C2CD3: variants seen among roughly 807,000 people sequenced by gnomAD.
The protein encoded by C2CD3 is C2 domain-containing protein 3.
In C2CD3, 148 loss-of-function variants were observed where a neutral mutation model predicts 234.0. That is an observed-to-expected ratio of 0.63 (90% CI 0.55 to 0.72). The LOEUF (loss-of-function observed/expected upper bound fraction) is 0.72. C2CD3 is among the 30% of genes least tolerant of loss of function. The probability of loss-of-function intolerance (pLI) is 0.00; values close to 1 mark genes in which losing one functional copy is unlikely to be tolerated. For missense variants in C2CD3, 2,577 were observed against 2,811.5 expected, an observed-to-expected ratio of 0.92 and a Z score of 1.89; for synonymous variants, 1,000 against 1,035.4, an observed-to-expected ratio of 0.97 and a Z score of 0.66.
intron 32 of C2CD3, among the ~76,000 whole-genome samples, chr11:74,022,306 C>A (rs1026477356): frequency 6.6e-6 from 1 of 152,012 alleles, no homozygotes; most frequent in African/African-American, 2.4e-5. Flanking sequence ...GCAGGAGTAA[C>A]TACATGGATG....
chr11:74,024,462 C>T (rs1186367558), intron 32 of C2CD3, among the ~76,000 whole-genome samples: 1 of 152,176 alleles, frequency 6.6e-6, no homozygotes, highest in Non-Finnish European at 1.5e-5. Context: ...AAATGCAGAA[C>T]AACAGCAATA....
chr11:74,076,799 T>C (rs1350597742), intron 23 of C2CD3, among the ~76,000 whole-genome samples: 1 of 152,200 alleles, frequency 6.6e-6, no homozygotes, highest in African/African-American at 2.4e-5. Flanking sequence ...TATACCTACA[T>C]CCTTTGAAAC....
chr11:74,054,724 A>G (rs1210241228), intron 25 of C2CD3, 53 bp from the exon 26 acceptor site: 3 of 1,236,076 alleles, frequency 2.4e-6, no homozygotes, highest in Non-Finnish European at 3.5e-6. Flanking sequence ...TTTCTGTAGT[A>G]TAAAACTTAG....
At chr11:74,059,134 G>A (rs770065460) in intron 24 of C2CD3, among the ~76,000 whole-genome samples, 2 of 152,100 alleles carry the variant, frequency 1.3e-5, no homozygotes, top group South Asian at 2.1e-4. Context: ...AAACATAATC[G>A]ACATGCTCCA....
rs562427604 is a variant in C2CD3 at position 74,017,115 on chromosome 11, C to T, written c.6922-3590G>A. On this transcript the variant is annotated intron_variant, in intron 32 of 32. Transcript: ENST00000334126. The stretch of plus-strand genomic sequence containing the variant: ...TAGGCTGAGCTGCAGGTATGGAGAA[C>T]AGCCAAGACAAACCTATTACTAGAA... Among the ~76,000 whole-genome samples, 3 of 152,262 alleles carry T rather than the reference C, an allele frequency of 2.0e-5. No homozygotes were observed. In the East Asian group the frequency reaches 5.8e-4, roughly 29 times the overall value.
intron 13 of C2CD3, among the ~76,000 whole-genome samples, chr11:74,105,196 G>C (rs1956467195): frequency 6.6e-6 from 1 of 152,116 alleles, no homozygotes; most frequent in African/African-American, 2.4e-5. Context: ...GGTAGGCCAG[G>C]GTCATATATT....
intron 32 of C2CD3, among the ~76,000 whole-genome samples, chr11:74,015,597 T>C (rs1464893086): frequency 6.6e-6 from 1 of 152,194 alleles, no homozygotes; most frequent in Non-Finnish European, 1.5e-5. Context: ...GATGTTTGTT[T>C]TATGAGCCAG....
At position 74,033,748 on chromosome 11, in the gene C2CD3, T is replaced by C; in HGVS notation, c.6412A>G (p.Asn2138Asp). Residue 2138 changes from asparagine (N) to aspartate (D), a missense_variant, in exon 31 of 33, where the codon AAC becomes GAC. By Grantham distance (23) the Asn-to-Asp change is conservative. Coordinates refer to ENST00000334126, the MANE Select transcript of C2CD3 (RefSeq NM_001286577.2). ...GAACCCTGCCTAGGCAGGTGGGGGTTGACAGCCCTTTCTGGGCTGGAGAGA... is the reference window on the plus strand; with the variant it reads ...GAACCCTGCCTAGGCAGGTGGGGGTCGACAGCCCTTTCTGGGCTGGAGAGA... ...SFLSSPERAVNPHLPRQGSPS... is the reference protein window; with the variant it reads ...SFLSSPERAVDPHLPRQGSPS... 6.5e-7 allele frequency: 1 copy of C among 1,536,350 alleles called. No homozygotes were observed. Among genetic ancestry groups the C allele is most frequent in the Non-Finnish European group, 8.7e-7 (1 of 1,146,946 alleles).
At chr11:74,075,007 C>T (rs1954970523) in intron 23 of C2CD3, among the ~76,000 whole-genome samples, 1 of 152,010 alleles carries the variant, frequency 6.6e-6, no homozygotes. Flanking sequence ...TCACCTGAGC[C>T]CAGGAGGTTG....
chr11:74,131,333 A>T (rs553428988), intron 7 of C2CD3, among the ~76,000 whole-genome samples: 1 of 151,716 alleles, frequency 6.6e-6, no homozygotes, highest in Non-Finnish European at 1.5e-5. Flanking sequence ...AAAAAAAAAA[A>T]AAAACTATCT....
chr11:74,088,264 G>A (rs1175705922), intron 20 of C2CD3, among the ~76,000 whole-genome samples: 1 of 152,068 alleles, frequency 6.6e-6, no homozygotes, highest in Non-Finnish European at 1.5e-5. Flanking sequence ...ACAAAATCAG[G>A]GTAGGTATTT....
chr11:74,032,138 G>C (rs1435844047), intron 31 of C2CD3, among the ~76,000 whole-genome samples: 1 of 152,180 alleles, frequency 6.6e-6, no homozygotes, highest in East Asian at 1.9e-4. Flanking sequence ...CCTGACCTGG[G>C]GAGCTTATAA....
intron 7 of C2CD3, among the ~76,000 whole-genome samples, chr11:74,124,878 T>C (rs1391106627): frequency 6.6e-6 from 1 of 152,244 alleles, no homozygotes. Context: ...CACTTTTTAC[T>C]CTTTTTTGAA....
intron 3 of C2CD3, among the ~76,000 whole-genome samples, chr11:74,156,146 C>T (rs1052824290): frequency 5.3e-5 from 8 of 151,940 alleles, no homozygotes; most frequent in African/African-American, 1.5e-4. Flanking sequence ...TGGTGGTGCA[C>T]GCCTGTAGTC....
At chr11:74,038,711 C>A (rs1486479676) in intron 29 of C2CD3, among the ~76,000 whole-genome samples, 1 of 152,202 alleles carries the variant, frequency 6.6e-6, no homozygotes, top group East Asian at 1.9e-4. Context: ...TTTCAAAGTC[C>A]ATTATCCCAA....
Position 74,037,657 on chromosome 11 carries a change from C to A in C2CD3, c.5702G>T (p.Arg1901Leu), listed in dbSNP as rs377328047. Residue 1901 changes from arginine to leucine, a missense_variant, in exon 30 of 33, where the codon CGC becomes CTC. Physicochemically the swap from Arg to Leu is moderately radical, Grantham distance 102. Transcript: ENST00000334126. ...TAGGAAAGGCTTGGTGAGCTTCTGG[C>A]GGAAGTACCTCTGAATCTGATCAAG... Reference protein sequence around the residue: ...SELDQIQRYFRQKLTKPFLPL... With the variant: ...SELDQIQRYFLQKLTKPFLPL... 3 of 1,613,808 alleles carry A rather than the reference C, an allele frequency of 1.9e-6. No individual in the cohort carries two copies. Among genetic ancestry groups the A allele is most frequent in the East Asian group, 2.2e-5 (1 of 44,870 alleles).
At chr11:74,094,641 T>A (rs1956039905) in intron 17 of C2CD3, among the ~76,000 whole-genome samples, 1 of 152,166 alleles carries the variant, frequency 6.6e-6, no homozygotes. Context: ...CTGGGTACAG[T>A]AGGATGGGGT....
intron 3 of C2CD3, among the ~76,000 whole-genome samples, chr11:74,144,561 C>T (rs973354789): frequency 1.3e-5 from 2 of 152,124 alleles, no homozygotes; most frequent in African/African-American, 4.8e-5. Flanking sequence ...GTACTAAGCA[C>T]AGTACCCGAC....
chr11:74,057,759 G>A (rs937862564), intron 24 of C2CD3, among the ~76,000 whole-genome samples: 3 of 151,982 alleles, frequency 2.0e-5, no homozygotes, highest in African/African-American at 7.2e-5. Flanking sequence ...CAACTTGAGC[G>A]CAGAAATTCA....
Sources: allele counts gnomAD v4.1 joint callset (sites outside exome capture counted in the v4.1 genomes callset), GRCh38; gene constraint gnomAD v4.1.1; transcripts MANE v1.5; gene names NCBI Gene and HGNC (gene_info 2026-07-23, HGNC 2026-07-21).